CAMK2B: variants seen among roughly 807,000 people sequenced by gnomAD.
CAMK2B encodes the protein calcium/calmodulin-dependent protein kinase type II subunit beta.
A neutral mutation model predicts 93.7 loss-of-function variants in CAMK2B; 27 were observed. The ratio of observed to expected loss-of-function variants is 0.29; its 90% CI spans 0.21 to 0.40. The LOEUF is 0.40. Ranked by LOEUF, CAMK2B falls within the 10% of genes least tolerant of loss-of-function variation. The pLI, the probability that CAMK2B is intolerant of heterozygous loss-of-function variation, is 1.00. For synonymous variants in CAMK2B, 374 were observed against 358.8 expected, an observed-to-expected ratio of 1.04 and a Z score of -0.48; for missense variants, 568 against 895.8, an observed-to-expected ratio of 0.63 and a Z score of 4.67.
chr7:44,245,184 C>T (rs35661323), intron 6 of CAMK2B, among the ~76,000 whole-genome samples: 43,707 of 152,038 alleles, frequency 0.29, 7,623 homozygotes, highest in Non-Finnish European at 0.39. Flanking sequence ...GGCAAGAAGG[C>T]CTGGAGGCTC....
rs1050694014 is a variant in CAMK2B, at chr7:44,234,289, G to A, written c.1131+101C>T. On this transcript the variant is annotated intron_variant, in intron 15 of 23. Transcript: ENST00000395749. ...GCGAGTGCTGTCAGACAGGCCAGGCGGGGCCAGACCCCACCTTCACCCGGC... is the reference window on the plus strand; with the variant it reads ...GCGAGTGCTGTCAGACAGGCCAGGCAGGGCCAGACCCCACCTTCACCCGGC... 1.6e-5 allele frequency: 17 copies of A among 1,077,486 alleles called. No homozygotes were observed. In the African/African-American group the frequency reaches 1.6e-4, roughly 10 times the overall value. The allele number at this position is 1,077,486 out of a possible 1,614,324, so 66.7% of individuals were successfully genotyped here. A position where few individuals can be genotyped will look rare whatever the true frequency, so the allele number is the denominator to read the frequency against.
intron 20 of CAMK2B, among the ~76,000 whole-genome samples, chr7:44,223,053 G>T (rs1315052499): frequency 2.0e-5 from 3 of 152,234 alleles, no homozygotes; most frequent in Admixed American, 6.5e-5. Flanking sequence ...ACACGTGATT[G>T]TGCATTCATG....
intron 1 of CAMK2B, among the ~76,000 whole-genome samples, chr7:44,321,359 C>A (rs1796039088): frequency 1.3e-5 from 2 of 152,124 alleles, no homozygotes; most frequent in South Asian, 4.1e-4. Context: ...GACTGGGGTA[C>A]CACTGGATGG....
chr7:44,272,182 TG>T (rs999292559), intron 2 of CAMK2B, among the ~76,000 whole-genome samples: 3 of 129,908 alleles, frequency 2.3e-5, no homozygotes, highest in African/African-American at 5.7e-5. Flanking sequence ...GGCGGGGAAT[TG>T]GGGGGGTGGG....
intron 2 of CAMK2B, among the ~76,000 whole-genome samples, chr7:44,274,139 T>C (rs1404958609): frequency 6.6e-6 from 1 of 152,130 alleles, no homozygotes; most frequent in East Asian, 1.9e-4. Context: ...TAACCCCCAA[T>C]AACCTCAATA....
chr7:44,259,220 G>A (rs573573726), intron 3 of CAMK2B, among the ~76,000 whole-genome samples: 1 of 152,316 alleles, frequency 6.6e-6, no homozygotes, highest in South Asian at 2.1e-4. Context: ...GTCTCCTTCT[G>A]CCAGAGAGAG....
At chr7:44,319,324 C>G (rs2116506513) in intron 1 of CAMK2B, among the ~76,000 whole-genome samples, 1 of 152,316 alleles carries the variant, frequency 6.6e-6, no homozygotes, top group East Asian at 1.9e-4. Flanking sequence ...TTATCTCCAC[C>G]TGGTCTCTTC....
chr7:44,298,080 T>C (rs1788794447), intron 1 of CAMK2B, among the ~76,000 whole-genome samples: 1 of 152,190 alleles, frequency 6.6e-6, no homozygotes, highest in African/African-American at 2.4e-5. Flanking sequence ...GCTGAGATCA[T>C]GCCACTGCAT....
At chr7:44,227,880 G>A (rs1289922331) in intron 19 of CAMK2B, among the ~76,000 whole-genome samples, 1 of 98,068 alleles carries the variant, frequency 1.0e-5, no homozygotes, top group Non-Finnish European at 2.3e-5. Flanking sequence ...TTGGGGGACA[G>A]AGGGGGATGT....
Position 44,258,564 on chromosome 7 carries a change from C to CTAT in CAMK2B, c.275+305_275+307dup, listed in dbSNP as rs1420815765. 5.3e-5 allele frequency among the ~76,000 whole-genome samples: 8 copies of CTAT among 152,370 alleles called. No homozygotes were observed. The South Asian group carries it at 1.0e-3, about 20-fold the overall frequency. On this transcript the variant is annotated intron_variant, in intron 4 of 23. Transcript: ENST00000395749. ...GAAGGTGAATGCAGCTGCTGACTGACTATTCCTCTGGGGTCCACCCACCCG... is the reference window on the plus strand; with the variant it reads ...GAAGGTGAATGCAGCTGCTGACTGACTATTATTCCTCTGGGGTCCACCCACCCG...
At chr7:44,247,690 A>C (rs2096745070) in intron 5 of CAMK2B, among the ~76,000 whole-genome samples, 1 of 152,112 alleles carries the variant, frequency 6.6e-6, no homozygotes, top group African/African-American at 2.4e-5. Flanking sequence ...TCTGTGCTGG[A>C]GCAGAAATAA....
chr7:44,238,257 G>A (rs930187165), intron 13 of CAMK2B, among the ~76,000 whole-genome samples: 4 of 152,186 alleles, frequency 2.6e-5, no homozygotes, highest in African/African-American at 4.8e-5. Context: ...TGCTCTCGGC[G>A]CCCAGGGTGG....
chr7:44,245,599 G>T (rs1269424141), intron 6 of CAMK2B, among the ~76,000 whole-genome samples: 1 of 152,152 alleles, frequency 6.6e-6, no homozygotes, highest in African/African-American at 2.4e-5. Context: ...GGCCCCGAGG[G>T]GAGCACCTGG....
rs1415848057 is a variant in CAMK2B, at chr7:44,271,200, T to C, written c.161-8136A>G. Among the ~76,000 whole-genome samples, 1 of 152,218 alleles carries C rather than the reference T, an allele frequency of 6.6e-6. No individual in the cohort carries two copies. The highest frequency in any genetic ancestry group is 1.5e-5 in the Non-Finnish European group (1 of 68,050). Reference sequence around the variant, plus strand: ...TCCCAAAGTGCTGGGATTACAGGCATGAGCCACCATCTGGCCCTCTAGACT... The same window carrying C: ...TCCCAAAGTGCTGGGATTACAGGCACGAGCCACCATCTGGCCCTCTAGACT... On this transcript the variant is annotated intron_variant, in intron 2 of 23. Transcript: ENST00000395749. The surrounding 1 kb of genome is among the most constrained non-coding windows in gnomAD (Gnocchi z 4.2).
chr7:44,284,100 G>C (rs753621897), intron 2 of CAMK2B, 31 bp downstream of exon 2: 34 of 1,524,708 alleles, frequency 2.2e-5, no homozygotes, highest in Middle Eastern at 1.7e-4. Context: ...CAGCCTGACA[G>C]CAGCTGCGCA....
At chr7:44,298,521 A>C (rs529857511) in intron 1 of CAMK2B, among the ~76,000 whole-genome samples, 1 of 151,708 alleles carries the variant, frequency 6.6e-6, no homozygotes, top group Non-Finnish European at 1.5e-5. Context: ...CAGGCAACAA[A>C]AGAAAAAATT....
At chr7:44,253,034 C>T (rs2096794519) in intron 5 of CAMK2B, among the ~76,000 whole-genome samples, 1 of 152,162 alleles carries the variant, frequency 6.6e-6, no homozygotes, top group Admixed American at 6.5e-5. Flanking sequence ...CTAGGGGAGG[C>T]CCAGTGGCAC....
At chr7:44,314,052 T>C (rs1794231935) in intron 1 of CAMK2B, among the ~76,000 whole-genome samples, 2 of 152,146 alleles carry the variant, frequency 1.3e-5, no homozygotes, top group Admixed American at 1.3e-4. Flanking sequence ...TTCTCAGCAA[T>C]GTGAACGTCG....
intron 2 of CAMK2B, among the ~76,000 whole-genome samples, chr7:44,272,136 G>A (rs1320369436): frequency 1.3e-5 from 2 of 152,090 alleles, no homozygotes; most frequent in East Asian, 1.9e-4. Flanking sequence ...CTGCCATAGT[G>A]GGCTGGACAA....
Sources: gnomAD v4.1 joint callset for allele counts (sites outside exome capture counted in the v4.1 genomes callset) on GRCh38, gnomAD v4.1.1 for gene constraint, Gnocchi (gnomAD v3.1) non-coding constraint, MANE v1.5 for transcripts, NCBI Gene and HGNC (gene_info 2026-07-23, HGNC 2026-07-21) for gene names.